Variants in PFKFB2 observed in about 807,000 individuals in gnomAD.
PFKFB2 encodes the protein 6-phosphofructo-2-kinase/fructose-2,6-biphosphatase 2, also known as 6-phosphofructo-2-kinase/fructose-2,6-bisphosphatase 2.
PFKFB2 carries 53 observed loss-of-function variants against 68.0 expected under a neutral mutation model. The ratio of observed to expected loss-of-function variants is 0.78; its 90% CI spans 0.63 to 0.98. The LOEUF (loss-of-function observed/expected upper bound fraction) is 0.98. Ranked by LOEUF, PFKFB2 falls within the 50% of genes least tolerant of loss-of-function variation. The pLI is 0.00. For synonymous variants in PFKFB2, 222 were observed against 227.6 expected, an observed-to-expected ratio of 0.98 and a Z score of 0.22; for missense variants, 451 against 642.0, an observed-to-expected ratio of 0.70 and a Z score of 3.22.
chr1:207,040,050 C>A (rs1682447374), intron 1 of PFKFB2, among the ~76,000 whole-genome samples: 1 of 152,210 alleles, frequency 6.6e-6, no homozygotes, highest in Non-Finnish European at 1.5e-5. Context: ...CAGAGAGCTG[C>A]ACCATAGGAG....
At chr1:207,042,572 A>AAAAAAAAAAAAAC (rs1682501734) in intron 2 of PFKFB2, among the ~76,000 whole-genome samples, 1 of 145,570 alleles carries the variant, frequency 6.9e-6, no homozygotes, top group Non-Finnish European at 1.5e-5. Flanking sequence ...AAAAAAAAAA[A>AAAAAAAAAAAAAC]AAAAAAAAAG....
At chr1:207,048,873 G>A (rs1336964328), upstream of PFKFB2, 1 of 735,186 alleles carries the variant, frequency 1.4e-6, no homozygotes, top group Non-Finnish European at 2.2e-6. Flanking sequence ...ATCTTAACAA[G>A]GAATTTCAGT....
In PFKFB2 at chr1:207,076,625, G is replaced by GA; in HGVS notation, c.*4254_*4255insA. 2 of 985,336 alleles carry GA rather than the reference G, an allele frequency of 2.0e-6. No homozygotes were observed. The highest frequency in any genetic ancestry group is 2.4e-6 in the Non-Finnish European group (2 of 829,812). 61.0% of individuals were successfully genotyped at this position (985,336 alleles called of 1,614,324 possible). On this transcript the variant is annotated 3_prime_UTR_variant, in exon 15 of 15. Coordinates refer to ENST00000367080, the MANE Select transcript of PFKFB2 (RefSeq NM_006212.2). ...AGACTGTCTCTAGTTGGATCTCTGT[G>GA]CTGACTGACTGACAGACAGACTTTA...
rs987804285 is a variant in PFKFB2 at position 207,035,193 on chromosome 1, G to A, written c.-62+721G>A. On this transcript the variant is annotated intron_variant, in intron 1 of 5. Transcript: ENST00000545806. ...ATCTGTTCTCTCCTTCTCCATTCTT[G>A]CATGCTGTTGTGGTCATCTCTTTGA... 8 of 985,494 alleles carry A rather than the reference G, an allele frequency of 8.1e-6. No individual in the cohort carries two copies. The African/African-American group carries it at 1.2e-4, about 15-fold the overall frequency. The allele number at this position is 985,494 out of a possible 1,614,324, so 61.0% of individuals were successfully genotyped here. A position where few individuals can be genotyped will look rare whatever the true frequency, so the allele number is the denominator to read the frequency against.
At chr1:207,047,172 C>T (rs1421515082) in intron 2 of PFKFB2, 1 of 152,454 alleles carries the variant, frequency 6.6e-6, no homozygotes, top group African/African-American at 2.4e-5. Flanking sequence ...GATTGCCAAA[C>T]ATTAAGTATC....
At chr1:207,071,095 C>A in intron 12 of PFKFB2, 93 bp from the exon 13 acceptor site, 2 of 1,028,364 alleles carry the variant, frequency 1.9e-6, no homozygotes, top group Non-Finnish European at 3.0e-6. Flanking sequence ...GTAAGGGAAA[C>A]TCATTATGAG....
rs749247388 is a variant in PFKFB2, at chr1:207,072,287, T to C, written c.1434T>C (p.Arg478=). Residue 478 remains arginine (R), a synonymous_variant, in exon 15 of 15, where the codon CGT becomes CGC. Coordinates refer to ENST00000367080, the MANE Select transcript of PFKFB2 (RefSeq NM_006212.2). The part of the protein sequence containing the change: ...TPLSSSNTIR[R]PRNYSVGSRP... ...TGTCCAGTTCGAATACAATAAGGCG[T>C]CCAAGAAATTACAGTGTTGGGAGCC... The C allele has an allele frequency of 1.2e-6, 2 of 1,614,124 alleles. No homozygotes were observed. The highest frequency in any genetic ancestry group is 3.3e-5 in the Admixed American group (2 of 60,016).
rs1683656212 is a variant in PFKFB2, at chr1:207,077,336, A to G, written c.*4965A>G. The G allele has an allele frequency of 8.1e-6, 8 of 985,158 alleles. No homozygotes were observed. Among genetic ancestry groups the G allele is most frequent in the Non-Finnish European group, 9.6e-6 (8 of 829,670 alleles). 61.0% of individuals were successfully genotyped at this position (985,158 alleles called of 1,614,324 possible). A position where few individuals can be genotyped will look rare whatever the true frequency, so the allele number is the denominator to read the frequency against. ...AAGAAAATTTGGCATTTAAAAATTG[A>G]TTTTAAGGGTTGGCAAAAGTATTTT... On this transcript the variant is annotated 3_prime_UTR_variant, in exon 15 of 15. Coordinates refer to ENST00000367080, the MANE Select transcript of PFKFB2 (RefSeq NM_006212.2).
Position 207,074,735 on chromosome 1 carries a change from G to A in PFKFB2, c.*2364G>A, listed in dbSNP as rs1264053649. On this transcript the variant is annotated 3_prime_UTR_variant, in exon 15 of 15. Transcript: ENST00000367080. ...AAGCTAAACAGAAGTAGAAGAAAAG[G>A]TCCTTGTCCAGAGGAAGGTTATTTT... 2.0e-5 allele frequency: 20 copies of A among 985,310 alleles called. No homozygotes were observed. The highest frequency in any genetic ancestry group is 2.3e-5 in the Non-Finnish European group (19 of 829,920). The allele number at this position is 985,310 out of a possible 1,614,324, so 61.0% of individuals were successfully genotyped here.
At chr1:207,061,632 C>T (rs1160214825) in intron 2 of PFKFB2, among the ~76,000 whole-genome samples, 1 of 152,114 alleles carries the variant, frequency 6.6e-6, no homozygotes, top group Non-Finnish European at 1.5e-5. Flanking sequence ...GCCTGTAATC[C>T]CAGCACTTTG....
intron 8 of PFKFB2, among the ~76,000 whole-genome samples, chr1:207,066,606 G>A (rs1683295232): frequency 6.6e-6 from 1 of 152,026 alleles, no homozygotes; most frequent in Non-Finnish European, 1.5e-5. Flanking sequence ...TGCGTGATTT[G>A]CATCCTTCCA....
chr1:207,052,625 C>G (rs1432393530), upstream of PFKFB2, among the ~76,000 whole-genome samples: 1 of 152,144 alleles, frequency 6.6e-6, no homozygotes, highest in African/African-American at 2.4e-5. Flanking sequence ...GCACTCCAGC[C>G]TGGGCAACAA....
Position 207,063,055 on chromosome 1 carries a change from G to A in PFKFB2, c.309-88G>A. 1 of 1,067,036 alleles carries A rather than the reference G, an allele frequency of 9.4e-7. No homozygotes were observed. Among genetic ancestry groups the A allele is most frequent in the Non-Finnish European group, 1.5e-6 (1 of 684,004 alleles). The allele number at this position is 1,067,036 out of a possible 1,614,324, so 66.1% of individuals were successfully genotyped here. A position where few individuals can be genotyped will look rare whatever the true frequency, so the allele number is the denominator to read the frequency against. On this transcript the variant is annotated intron_variant, in intron 4 of 14. Coordinates refer to ENST00000367080, the MANE Select transcript of PFKFB2 (RefSeq NM_006212.2). This position sits in a 1 kb window ranked among gnomAD's most constrained non-coding sequence, Gnocchi z 4.1. The stretch of plus-strand genomic sequence containing the variant: ...AACAGTGGGAAACTAAGTGGGCAGG[G>A]ATGTGACTTCTGTAGCCACCCGAAT...
At chr1:207,052,675 C>T (rs2808449), upstream of PFKFB2, among the ~76,000 whole-genome samples, 5 of 151,886 alleles carry the variant, frequency 3.3e-5, no homozygotes, top group Non-Finnish European at 4.4e-5. Context: ...CCAAACCAAA[C>T]CAAAACAAAA....
upstream of PFKFB2, chr1:207,049,749 T>A: frequency 6.3e-7 from 1 of 1,581,066 alleles, no homozygotes; most frequent in South Asian, 1.2e-5. Flanking sequence ...CAAATCCCGA[T>A]CTGCAAAGAA....
At chr1:207,043,536 A>C (rs1461784833) in intron 2 of PFKFB2, among the ~76,000 whole-genome samples, 3 of 152,356 alleles carry the variant, frequency 2.0e-5, no homozygotes, top group African/African-American at 4.8e-5. Context: ...CTAAGTTCAC[A>C]AAGATTGCAG....
chr1:207,071,650 G>A, intron 14 of PFKFB2, 77 bp downstream of exon 14: 2 of 1,065,602 alleles, frequency 1.9e-6, no homozygotes, highest in South Asian at 1.3e-5. Flanking sequence ...CAAGAGACTG[G>A]GGTTTCTTTT....
chr1:207,052,700 G>T (rs1234706890), upstream of PFKFB2, among the ~76,000 whole-genome samples: 1 of 151,356 alleles, frequency 6.6e-6, no homozygotes, highest in Non-Finnish European at 1.5e-5. Flanking sequence ...CTCCAATGGG[G>T]TGTATGGGTG....
At chr1:207,069,318 C>A in intron 10 of PFKFB2, 106 bp from the exon 11 acceptor site, 1 of 759,902 alleles carries the variant, frequency 1.3e-6, no homozygotes, top group South Asian at 1.6e-5. Flanking sequence ...CAGTGCCTGG[C>A]ACGTACTAAG....
Sources: gnomAD v4.1 joint callset for allele counts (sites outside exome capture counted in the v4.1 genomes callset) on GRCh38, gnomAD v4.1.1 for gene constraint, Gnocchi (gnomAD v3.1) non-coding constraint, MANE v1.5 for transcripts, NCBI Gene and HGNC (gene_info 2026-07-23, HGNC 2026-07-21) for gene names.